The following LUZP2 variants were observed in gnomAD, a reference collection of about 807,000 sequenced individuals.
LUZP2 encodes the protein leucine zipper protein 2.
In LUZP2, 52 loss-of-function variants were observed where a neutral mutation model predicts 51.6. The ratio of observed to expected loss-of-function variants is 1.01; its 90% CI spans 0.81 to 1.27. LUZP2 has a LOEUF of 1.27. Ranked by LOEUF, LUZP2 falls within the 50% of genes most tolerant of loss-of-function variation. The probability of loss-of-function intolerance (pLI) is 0.00; values close to 1 mark genes in which losing one functional copy is unlikely to be tolerated. For synonymous variants in LUZP2, 154 were observed against 137.3 expected, an observed-to-expected ratio of 1.12 and a Z score of -0.85; for missense variants, 436 against 395.4, an observed-to-expected ratio of 1.10 and a Z score of -0.87.
At chr11:24,602,237 T>TATATGTGTATATATGTAC (rs1853735457) in intron 1 of LUZP2, among the ~76,000 whole-genome samples, 1 of 39,960 alleles carries the variant, frequency 2.5e-5, no homozygotes, top group Non-Finnish European at 1.3e-4. Context: ...CATATATGTG[T>TATATGTGTATATATGTAC]ATATATGTAT....
chr11:25,002,358 C>G (rs1293618757), intron 9 of LUZP2, among the ~76,000 whole-genome samples: 1 of 152,174 alleles, frequency 6.6e-6, no homozygotes, highest in Non-Finnish European at 1.5e-5. Flanking sequence ...TAAGTCTGGA[C>G]TATAATTTGT....
intron 5 of LUZP2, among the ~76,000 whole-genome samples, chr11:24,780,255 A>G (rs1040979280): frequency 2.0e-5 from 3 of 152,098 alleles, no homozygotes; most frequent in African/African-American, 7.2e-5. Context: ...TCTGGCAAGC[A>G]TTCCCCTTTG....
chr11:24,910,484 C>T (rs968745181), intron 6 of LUZP2, among the ~76,000 whole-genome samples: 2 of 152,186 alleles, frequency 1.3e-5, no homozygotes, highest in African/African-American at 4.8e-5. Context: ...GGACATGATG[C>T]CCTGCATCCC....
intron 1 of LUZP2, among the ~76,000 whole-genome samples, chr11:24,514,500 CATA>C (rs1850404497): frequency 6.6e-6 from 1 of 152,132 alleles, no homozygotes; most frequent in Non-Finnish European, 1.5e-5. Flanking sequence ...AGGGAAAACA[CATA>C]ATAAGATCGT....
At chr11:24,564,970 T>C (rs1185961671) in intron 1 of LUZP2, among the ~76,000 whole-genome samples, 3 of 152,302 alleles carry the variant, frequency 2.0e-5, no homozygotes, top group African/African-American at 7.2e-5. Context: ...TAAAACCATC[T>C]ACTTTAGTGA....
At chr11:25,017,057 C>T (rs1192373053) in intron 9 of LUZP2, among the ~76,000 whole-genome samples, 1 of 151,912 alleles carries the variant, frequency 6.6e-6, no homozygotes, top group Non-Finnish European at 1.5e-5. Context: ...TGTTTGTTGG[C>T]CATTTGTATA....
chr11:25,021,068 G>A (rs558604616), intron 9 of LUZP2, among the ~76,000 whole-genome samples: 27 of 152,138 alleles, frequency 1.8e-4, no homozygotes, highest in African/African-American at 5.8e-4. Context: ...TTCTGTTCAA[G>A]CTCTTCTTAG....
chr11:24,810,855 C>CAA (rs1375676065), intron 5 of LUZP2, among the ~76,000 whole-genome samples: 6 of 152,028 alleles, frequency 3.9e-5, no homozygotes, highest in African/African-American at 1.2e-4. Flanking sequence ...TTGCTGTTAC[C>CAA]GTGTATGCTC....
At chr11:24,888,519 T>A (rs1852742367) in intron 5 of LUZP2, among the ~76,000 whole-genome samples, 2 of 152,132 alleles carry the variant, frequency 1.3e-5, no homozygotes, top group African/African-American at 4.8e-5. Context: ...TATTAAATAT[T>A]TTGTCATCCT....
At chr11:24,901,223 T>A (rs1053776556) in intron 5 of LUZP2, among the ~76,000 whole-genome samples, 1 of 152,128 alleles carries the variant, frequency 6.6e-6, no homozygotes, top group Non-Finnish European at 1.5e-5. Context: ...GCAAGAGGGC[T>A]TGTCTGAGGC....
intron 5 of LUZP2, 65 bp downstream of exon 5, chr11:24,763,373 A>G (rs1860056431): frequency 2.7e-6 from 2 of 732,198 alleles, no homozygotes; most frequent in African/African-American, 1.9e-5. Context: ...ATGCACATAT[A>G]AAGTTGCCAC....
At chr11:24,992,806 A>C (rs1171369443) in intron 9 of LUZP2, among the ~76,000 whole-genome samples, 2 of 152,096 alleles carry the variant, frequency 1.3e-5, no homozygotes, top group Non-Finnish European at 2.9e-5. Flanking sequence ...TATTGAATTT[A>C]TTGTATATCT....
intron 5 of LUZP2, among the ~76,000 whole-genome samples, chr11:24,774,350 C>CTA (rs1848842011): frequency 1.2e-5 from 1 of 80,702 alleles, no homozygotes; most frequent in African/African-American, 5.2e-5. Flanking sequence ...CTCTCTCTCT[C>CTA]TCTCTCTCTC....
At chr11:24,977,582 C>T (rs1212864838) in intron 8 of LUZP2, among the ~76,000 whole-genome samples, 2 of 151,614 alleles carry the variant, frequency 1.3e-5, no homozygotes, top group Admixed American at 6.6e-5. Context: ...TTAATTCATA[C>T]ACCACATATA....
chr11:24,730,210 A>T (rs921748692), intron 2 of LUZP2, among the ~76,000 whole-genome samples: 2 of 151,788 alleles, frequency 1.3e-5, no homozygotes, highest in Non-Finnish European at 2.9e-5. Context: ...CCAGTGCTAG[A>T]TACTCTTTCT....
chr11:24,821,138 A>G (rs996038539), intron 5 of LUZP2, among the ~76,000 whole-genome samples: 40 of 152,276 alleles, frequency 2.6e-4, no homozygotes, highest in African/African-American at 9.1e-4. Context: ...AAAAGCAAAC[A>G]TAACACAGCA....
chr11:24,811,243 C>G (rs920572552), intron 5 of LUZP2, among the ~76,000 whole-genome samples: 2 of 152,164 alleles, frequency 1.3e-5, no homozygotes, highest in African/African-American at 4.8e-5. Context: ...GATTTCTCCA[C>G]TAGCCCTCAG....
At chr11:24,506,730 A>G (rs1850156077) in intron 1 of LUZP2, among the ~76,000 whole-genome samples, 3 of 152,034 alleles carry the variant, frequency 2.0e-5, no homozygotes, top group South Asian at 2.1e-4. Context: ...ACAACACATT[A>G]TATTCATATA....
chr11:24,883,591 A>G (rs1852564525), intron 5 of LUZP2, among the ~76,000 whole-genome samples: 1 of 152,056 alleles, frequency 6.6e-6, no homozygotes, highest in Non-Finnish European at 1.5e-5. Flanking sequence ...TTAAGAAGAC[A>G]TTTCTCACTA....
Sources: allele counts gnomAD v4.1 joint callset (sites outside exome capture counted in the v4.1 genomes callset), GRCh38; gene constraint gnomAD v4.1.1; transcripts MANE v1.5; gene names NCBI Gene and HGNC (gene_info 2026-07-23, HGNC 2026-07-21).